CWC27: variants seen among roughly 807,000 people sequenced by gnomAD.
The protein encoded by CWC27 is spliceosome-associated protein CWC27 homolog.
In CWC27, 47 loss-of-function variants were observed where a neutral mutation model predicts 63.6. The observed-to-expected ratio is 0.74, with a 90% CI of 0.58 to 0.94. The LOEUF is 0.94. CWC27 is among the 40% of genes least tolerant of loss of function. The pLI, the probability that CWC27 is intolerant of heterozygous loss-of-function variation, is 0.00. For missense variants in CWC27, 495 were observed against 554.3 expected, an observed-to-expected ratio of 0.89 and a Z score of 1.07; for synonymous variants, 175 against 179.8, an observed-to-expected ratio of 0.97 and a Z score of 0.22.
intron 11 of CWC27, among the ~76,000 whole-genome samples, chr5:64,914,387 A>G (rs566798486): frequency 1.9e-3 from 293 of 152,268 alleles, no homozygotes; most frequent in African/African-American, 6.6e-3. Flanking sequence ...AAAATGGGAA[A>G]GGAAATATAC....
chr5:64,819,962 A>G (rs554584918), intron 10 of CWC27, among the ~76,000 whole-genome samples: 1 of 152,324 alleles, frequency 6.6e-6, no homozygotes, highest in South Asian at 2.1e-4. Flanking sequence ...TTTTGCTATT[A>G]ATATGTATAA....
intron 11 of CWC27, among the ~76,000 whole-genome samples, chr5:64,948,669 TTAA>T (rs1268707990): frequency 6.6e-6 from 1 of 152,012 alleles, no homozygotes; most frequent in East Asian, 1.9e-4. Context: ...TCAAACAGTG[TTAA>T]TAATTAATAA....
At chr5:64,783,540 A>G (rs1743771093) in intron 3 of CWC27, among the ~76,000 whole-genome samples, 1 of 152,202 alleles carries the variant, frequency 6.6e-6, no homozygotes, top group Non-Finnish European at 1.5e-5. Flanking sequence ...TGACTTTGGG[A>G]TGAGAATAGG....
intron 10 of CWC27, among the ~76,000 whole-genome samples, chr5:64,867,056 GA>G (rs760657453): frequency 7.9e-5 from 12 of 152,070 alleles, no homozygotes; most frequent in Non-Finnish European, 1.6e-4. Context: ...AGCAAAAAGG[GA>G]AGCAATTTGG....
intron 11 of CWC27, among the ~76,000 whole-genome samples, chr5:64,953,770 T>A (rs1748753390): frequency 2.6e-5 from 4 of 152,336 alleles, no homozygotes; most frequent in Admixed American, 2.6e-4. Context: ...GTTGCCTTGA[T>A]GAGCATTATA....
At chr5:64,897,343 C>T (rs376745371) in intron 11 of CWC27, among the ~76,000 whole-genome samples, 111 of 152,214 alleles carry the variant, frequency 7.3e-4, no homozygotes, top group African/African-American at 2.3e-3. Context: ...CCCAAATGTC[C>T]GTCAATGATA....
chr5:65,014,708 G>A (rs7702147), intron 13 of CWC27, among the ~76,000 whole-genome samples: 1 of 152,052 alleles, frequency 6.6e-6, no homozygotes, highest in African/African-American at 2.4e-5. Flanking sequence ...TGTAAAGTGC[G>A]GGCATGCTTT....
intron 13 of CWC27, among the ~76,000 whole-genome samples, chr5:65,002,253 A>G (rs1749744484): frequency 6.6e-6 from 1 of 152,018 alleles, no homozygotes; most frequent in Non-Finnish European, 1.5e-5. Flanking sequence ...TCTTTTCAAA[A>G]AAACCAACTT....
At chr5:64,847,028 A>G (rs928162975) in intron 10 of CWC27, among the ~76,000 whole-genome samples, 1 of 151,900 alleles carries the variant, frequency 6.6e-6, no homozygotes, top group Non-Finnish European at 1.5e-5. Context: ...GGAAATGGCA[A>G]TAGTACATCC....
chr5:64,945,479 C>A (rs575798636), intron 11 of CWC27, among the ~76,000 whole-genome samples: 3 of 152,270 alleles, frequency 2.0e-5, no homozygotes, highest in African/African-American at 7.2e-5. Context: ...ACCACTTCTC[C>A]TTTTGTTAAC....
intron 11 of CWC27, among the ~76,000 whole-genome samples, chr5:64,926,606 T>C (rs1436314075): frequency 1.3e-5 from 2 of 152,118 alleles, no homozygotes; most frequent in African/African-American, 2.4e-5. Context: ...AAAAATGTAA[T>C]GTTAAATAAT....
intron 4 of CWC27, among the ~76,000 whole-genome samples, chr5:64,784,593 C>T (rs1279821807): frequency 6.6e-6 from 1 of 152,160 alleles, no homozygotes; most frequent in Non-Finnish European, 1.5e-5. Context: ...ACTAGTGCAT[C>T]AGCGCCCTCT....
intron 11 of CWC27, among the ~76,000 whole-genome samples, chr5:64,898,475 G>A (rs1252718496): frequency 1.3e-5 from 2 of 152,162 alleles, no homozygotes; most frequent in African/African-American, 4.8e-5. Context: ...CTTGCACATA[G>A]TAGATAGCCA....
intron 11 of CWC27, among the ~76,000 whole-genome samples, chr5:64,923,604 G>T (rs1393302111): frequency 6.9e-6 from 1 of 144,228 alleles, no homozygotes; most frequent in Non-Finnish European, 1.5e-5. Flanking sequence ...GGTTTTTCCT[G>T]GCTGTATCTA....
intron 11 of CWC27, among the ~76,000 whole-genome samples, chr5:64,924,420 T>C (rs1289326082): frequency 1.3e-5 from 2 of 151,954 alleles, no homozygotes; most frequent in Non-Finnish European, 2.9e-5. Context: ...AACCAAAGAG[T>C]AGAAATATAA....
At chr5:64,906,870 G>T (rs1747654715) in intron 11 of CWC27, among the ~76,000 whole-genome samples, 1 of 152,132 alleles carries the variant, frequency 6.6e-6, no homozygotes, top group Non-Finnish European at 1.5e-5. Flanking sequence ...AAGAGATCCA[G>T]TTTCAGCTTT....
At chr5:64,892,177 CCTTT>C (rs1418457816) in intron 11 of CWC27, among the ~76,000 whole-genome samples, 1 of 152,134 alleles carries the variant, frequency 6.6e-6, no homozygotes, top group Non-Finnish European at 1.5e-5. Context: ...TTTCTAATAA[CCTTT>C]CTTTCTGGCC....
intron 11 of CWC27, among the ~76,000 whole-genome samples, chr5:64,905,200 C>CAAAAAAAAAAAAAAAAAAAAA (rs71608574): frequency 1.8e-5 from 1 of 55,558 alleles, no homozygotes; most frequent in African/African-American, 6.7e-5. Context: ...CACTACATCT[C>CAAAAAAAAAAAAAAAAAAAAA]AAAAAAAAAA....
chr5:64,840,455 CAG>C (rs1353315652), intron 10 of CWC27, among the ~76,000 whole-genome samples: 4 of 80,950 alleles, frequency 4.9e-5, no homozygotes, highest in East Asian at 4.1e-4. Flanking sequence ...TTTTAGAAAA[CAG>C]AGGCAGGTAA....
Sources: gnomAD v4.1 joint callset for allele counts (sites outside exome capture counted in the v4.1 genomes callset) on GRCh38, gnomAD v4.1.1 for gene constraint, MANE v1.5 for transcripts, NCBI Gene and HGNC (gene_info 2026-07-23, HGNC 2026-07-21) for gene names.